GPC6: variants seen among roughly 807,000 people sequenced by gnomAD.
The protein encoded by GPC6 is glypican-6.
In GPC6, 14 loss-of-function variants were observed where a neutral mutation model predicts 55.2. That is an observed-to-expected ratio of 0.25 (90% CI 0.17 to 0.40). The LOEUF is 0.40. Among genes scored for constraint, GPC6 ranks in the 10% least tolerant of loss-of-function variants. The pLI is 1.00. For missense variants in GPC6, 641 were observed against 708.5 expected (o/e 0.90, Z 1.08); for synonymous variants, 278 against 259.6 (o/e 1.07, Z -0.68).
At chr13:93,662,696 A>C (rs1160139605) in intron 2 of GPC6, among the ~76,000 whole-genome samples, 1 of 152,150 alleles carries the variant, frequency 6.6e-6, no homozygotes, top group Non-Finnish European at 1.5e-5. Flanking sequence ...CTTTAAATTG[A>C]AATGCTAGTT....
At chr13:93,760,154 G>A in intron 2 of GPC6, among the ~76,000 whole-genome samples, 1 of 152,118 alleles carries the variant, frequency 6.6e-6, no homozygotes, top group East Asian at 1.9e-4. Context: ...GTGGTACTGT[G>A]TATGATTCCC....
intron 7 of GPC6, among the ~76,000 whole-genome samples, chr13:94,387,989 C>G (rs879497833): frequency 2.0e-5 from 3 of 152,142 alleles, no homozygotes; most frequent in Non-Finnish European, 4.4e-5. Flanking sequence ...GCATTTCTAA[C>G]AAGCTTTTAG....
intron 2 of GPC6, among the ~76,000 whole-genome samples, chr13:93,759,986 G>C (rs1387545124): frequency 1.4e-5 from 2 of 145,220 alleles, no homozygotes; most frequent in South Asian, 4.4e-4. Flanking sequence ...TCCCCCTTCA[G>C]CTTGACAGAA....
intron 3 of GPC6, among the ~76,000 whole-genome samples, chr13:93,911,149 G>A (rs1329503020): frequency 6.6e-6 from 1 of 152,146 alleles, no homozygotes; most frequent in Non-Finnish European, 1.5e-5. Flanking sequence ...TCTATACAAA[G>A]AGGAACAGAG....
At chr13:93,667,880 A>G (rs1187648227) in intron 2 of GPC6, among the ~76,000 whole-genome samples, 2 of 152,164 alleles carry the variant, frequency 1.3e-5, no homozygotes, top group African/African-American at 2.4e-5. Flanking sequence ...AACTTGATCA[A>G]TTAACAGACT....
At chr13:93,781,353 C>T (rs577106939) in intron 2 of GPC6, among the ~76,000 whole-genome samples, 39 of 151,612 alleles carry the variant, frequency 2.6e-4, no homozygotes, top group African/African-American at 8.2e-4. Flanking sequence ...TTTTCGCAAG[C>T]GCCATTTTGA....
intron 3 of GPC6, among the ~76,000 whole-genome samples, chr13:94,019,190 A>C (rs1361401870): frequency 1.3e-5 from 2 of 152,164 alleles, no homozygotes; most frequent in African/African-American, 4.8e-5. Flanking sequence ...CATCTGGTCC[A>C]GAGTTTTTCT....
chr13:93,253,586 G>A (rs1350065148), intron 1 of GPC6, among the ~76,000 whole-genome samples: 2 of 152,148 alleles, frequency 1.3e-5, no homozygotes, highest in Non-Finnish European at 2.9e-5. Flanking sequence ...ACAGGTGAAG[G>A]TAACCATGGC....
intron 2 of GPC6, among the ~76,000 whole-genome samples, chr13:93,676,661 A>G (rs1881646308): frequency 6.6e-6 from 1 of 152,108 alleles, no homozygotes; most frequent in Non-Finnish European, 1.5e-5. Context: ...AAATTTAAAG[A>G]GAAGCTTGAA....
chr13:93,560,988 A>G (rs1875754285), intron 2 of GPC6, among the ~76,000 whole-genome samples: 1 of 152,182 alleles, frequency 6.6e-6, no homozygotes, highest in South Asian at 2.1e-4. Context: ...GAAAAATAAC[A>G]TTGTTGTGAA....
intron 3 of GPC6, among the ~76,000 whole-genome samples, chr13:93,943,230 A>G (rs1410329633): frequency 6.6e-6 from 1 of 152,152 alleles, no homozygotes; most frequent in Non-Finnish European, 1.5e-5. Context: ...TTATAGTATA[A>G]TATACTACGT....
chr13:93,346,504 A>G (rs1880436162), intron 1 of GPC6, among the ~76,000 whole-genome samples: 1 of 152,178 alleles, frequency 6.6e-6, no homozygotes, highest in Non-Finnish European at 1.5e-5. Context: ...CTGCAAGACC[A>G]TGGGTGACAG....
intron 1 of GPC6, among the ~76,000 whole-genome samples, chr13:93,440,839 C>T (rs897711287): frequency 1.2e-4 from 18 of 149,992 alleles, no homozygotes; most frequent in Admixed American, 2.0e-4. Flanking sequence ...TGCTATCCCT[C>T]CCCCCTGCCC....
chr13:94,388,798 T>C (rs1880523916), intron 7 of GPC6, among the ~76,000 whole-genome samples: 2 of 152,168 alleles, frequency 1.3e-5, no homozygotes, highest in Non-Finnish European at 2.9e-5. Context: ...TGAGAAATCA[T>C]CTACCCTCAT....
chr13:93,324,587 C>CAT (rs34871661), intron 1 of GPC6, among the ~76,000 whole-genome samples: 13,925 of 122,648 alleles, frequency 0.11, 725 homozygotes, highest in African/African-American at 0.14. Flanking sequence ...CACATACATA[C>CAT]ATATATATAT....
At chr13:94,122,343 G>A (rs773847991) in intron 4 of GPC6, among the ~76,000 whole-genome samples, 8 of 151,984 alleles carry the variant, frequency 5.3e-5, no homozygotes, top group Admixed American at 2.6e-4. Context: ...AGATTGTTCT[G>A]CCTGCATCTA....
At chr13:93,770,108 T>A (rs535397675) in intron 2 of GPC6, among the ~76,000 whole-genome samples, 1 of 152,322 alleles carries the variant, frequency 6.6e-6, no homozygotes, top group African/African-American at 2.4e-5. Context: ...CATGCATCTG[T>A]CTGCTTTCCA....
At chr13:94,011,764 A>T (rs1178882317) in intron 3 of GPC6, among the ~76,000 whole-genome samples, 1 of 152,166 alleles carries the variant, frequency 6.6e-6, no homozygotes, top group African/African-American at 2.4e-5. Context: ...TCAGTTCTGC[A>T]CTAGCTCTGT....
At chr13:93,521,875 T>C (rs1259658066) in intron 1 of GPC6, among the ~76,000 whole-genome samples, 2 of 151,960 alleles carry the variant, frequency 1.3e-5, no homozygotes, top group African/African-American at 2.4e-5. Context: ...GCAGTTTATT[T>C]TATCATATGC....
Sources: allele counts gnomAD v4.1 joint callset (sites outside exome capture counted in the v4.1 genomes callset), GRCh38; gene constraint gnomAD v4.1.1; transcripts MANE v1.5; gene names NCBI Gene and HGNC (gene_info 2026-07-23, HGNC 2026-07-21).